Variants in NRG3 observed in about 807,000 individuals in gnomAD.
NRG3 encodes neuregulin 3.
Under a neutral mutation model 66.9 loss-of-function variants are expected in NRG3, and 31 were observed. The ratio of observed to expected loss-of-function variants is 0.46; its 90% CI spans 0.35 to 0.63. NRG3 has a LOEUF of 0.63. NRG3 is among the 20% of genes least tolerant of loss of function. NRG3 has a pLI of 0.00. For synonymous variants in NRG3, 393 were observed against 359.4 expected (o/e 1.09, Z -1.06); for missense variants, 910 against 878.9 (o/e 1.04, Z -0.45).
intron 2 of NRG3, among the ~76,000 whole-genome samples, chr10:82,720,143 A>G (rs1368761475): frequency 1.3e-5 from 2 of 152,216 alleles, no homozygotes; most frequent in African/African-American, 4.8e-5. Context: ...TAATCCTAGC[A>G]CTTCGGGAGG....
chr10:82,183,367 A>G (rs1359700276), intron 1 of NRG3, among the ~76,000 whole-genome samples: 1 of 151,834 alleles, frequency 6.6e-6, no homozygotes, highest in Admixed American at 6.6e-5. Context: ...CTGACTGTAT[A>G]ATTTCAAATG....
At chr10:82,738,937 C>T (rs2058288398) in intron 3 of NRG3, among the ~76,000 whole-genome samples, 1 of 152,182 alleles carries the variant, frequency 6.6e-6, no homozygotes, top group Non-Finnish European at 1.5e-5. Context: ...CACGTACCAC[C>T]TCATTTCAAA....
At chr10:82,329,557 C>T (rs1396135792) in intron 1 of NRG3, among the ~76,000 whole-genome samples, 1 of 151,104 alleles carries the variant, frequency 6.6e-6, no homozygotes, top group Non-Finnish European at 1.5e-5. Flanking sequence ...TTATAGAGCA[C>T]ACAACATGTA....
rs181855084 is a variant in NRG3, at chr10:82,089,700, A to T, written c.823+213537A>T. On this transcript the variant is annotated intron_variant, in intron 1 of 8. Coordinates refer to ENST00000372141, the MANE Select transcript of NRG3 (RefSeq NM_001010848.4). The stretch of plus-strand genomic sequence containing the variant: ...TTAGTATCTAATTCTCTTTGAGATG[A>T]TCAAGCTGCAAACTGATTCCATACC... Among the ~76,000 whole-genome samples, 185 of 152,324 alleles carry T rather than the reference A, an allele frequency of 1.2e-3. 1 individual carries two copies. The highest frequency in any genetic ancestry group is 4.3e-3 in the African/African-American group (180 of 41,564).
chr10:82,973,983 A>G, intron 7 of NRG3, 68 bp downstream of exon 7: 1 of 1,567,618 alleles, frequency 6.4e-7, no homozygotes, highest in Non-Finnish European at 8.8e-7. Context: ...GGCACATGCC[A>G]AGGACTGGCA....
At chr10:82,642,612 A>G (rs2050662182) in intron 2 of NRG3, among the ~76,000 whole-genome samples, 1 of 137,374 alleles carries the variant, frequency 7.3e-6, no homozygotes, top group Admixed American at 6.9e-5. Context: ...CTACAAGGAG[A>G]AAAAAAAAAC....
chr10:82,682,146 A>G (rs988954121), intron 2 of NRG3, among the ~76,000 whole-genome samples: 1 of 152,216 alleles, frequency 6.6e-6, no homozygotes, highest in African/African-American at 2.4e-5. Flanking sequence ...GAGGAGGAAA[A>G]CAAAGAGACT....
At chr10:82,204,863 T>C (rs2075040085) in intron 1 of NRG3, among the ~76,000 whole-genome samples, 1 of 152,190 alleles carries the variant, frequency 6.6e-6, no homozygotes, top group Admixed American at 6.5e-5. Flanking sequence ...ACATGCTCTC[T>C]AAGGTTGCTG....
At position 82,985,424 on chromosome 10, in the gene NRG3, A is replaced by G. The variant is rs1318544221; in HGVS notation, c.1910A>G (p.Gln637Arg). ...VKILLETVQEQIRILTDARRS... is the reference protein window; with the variant it reads ...VKILLETVQERIRILTDARRS... Reference sequence around the variant, plus strand: ...ATATTGCTAGAAACTGTCCAGGAGCAGATCCGAATTCTGACTGATGCCAGA... The same window carrying G: ...ATATTGCTAGAAACTGTCCAGGAGCGGATCCGAATTCTGACTGATGCCAGA... Residue 637 changes from glutamine (Q) to arginine (R), a missense_variant, in exon 9 of 9, where the codon CAG becomes CGG. By Grantham distance (43) the Gln-to-Arg change is conservative. Transcript: ENST00000372141. The G allele has an allele frequency of 8.7e-6, 14 of 1,614,050 alleles. No homozygotes were observed. The highest frequency in any genetic ancestry group is 1.2e-5 in the Non-Finnish European group (14 of 1,180,022).
chr10:82,709,826 G>A (rs1196945761), intron 2 of NRG3, among the ~76,000 whole-genome samples: 1 of 152,144 alleles, frequency 6.6e-6, no homozygotes, highest in Non-Finnish European at 1.5e-5. Flanking sequence ...TGGGTCCAGG[G>A]CTTTTAAATC....
chr10:82,342,843 G>A (rs1424973280), intron 1 of NRG3, among the ~76,000 whole-genome samples: 3 of 151,866 alleles, frequency 2.0e-5, no homozygotes, highest in East Asian at 3.9e-4. Context: ...TCTTTGCCTA[G>A]GCCAGTGTTC....
chr10:82,780,463 C>CTTTT (rs1007056127), intron 3 of NRG3, among the ~76,000 whole-genome samples: 1 of 122,194 alleles, frequency 8.2e-6, no homozygotes, highest in Non-Finnish European at 1.7e-5. Context: ...CATTGCGCCT[C>CTTTT]TTTTTTTTTT....
At chr10:82,101,342 C>A (rs1008113912) in intron 1 of NRG3, among the ~76,000 whole-genome samples, 9 of 151,682 alleles carry the variant, frequency 5.9e-5, no homozygotes, top group African/African-American at 2.2e-4. Context: ...ATTATTGACA[C>A]CATTGATATG....
In NRG3 at chr10:81,875,424, T is replaced by TGCGGCGGCGGCA. The variant is rs1400033892; in HGVS notation, c.92_103dup (p.Ala31_Ala34dup). ...CGGCCGAGGAGGGCACCGCGGCGGCTGCGGCGGCGGCAGCGGCGGGCGGGG... is the reference window on the plus strand; with the variant it reads ...CGGCCGAGGAGGGCACCGCGGCGGCTGCGGCGGCGGCAGCGGCGGCGGCAGCGGCGGGCGGGG... On this transcript the variant is annotated inframe_insertion, in exon 1 of 9. Transcript: ENST00000372141. This position sits in a 1 kb window ranked among gnomAD's most constrained non-coding sequence, Gnocchi z 5.3. The TGCGGCGGCGGCA allele has an allele frequency of 9.2e-7, 1 of 1,091,042 alleles. No individual in the cohort carries two copies. Among genetic ancestry groups the TGCGGCGGCGGCA allele is most frequent in the African/African-American group, 1.7e-5 (1 of 58,706 alleles). The allele number at this position is 1,091,042 out of a possible 1,614,324, so 67.6% of individuals were successfully genotyped here.
At chr10:82,755,896 T>A (rs1468023692) in intron 3 of NRG3, among the ~76,000 whole-genome samples, 2 of 152,186 alleles carry the variant, frequency 1.3e-5, no homozygotes, top group Admixed American at 6.6e-5. Context: ...TTGTTCCTTG[T>A]AAACCATGTT....
intron 4 of NRG3, among the ~76,000 whole-genome samples, chr10:82,873,948 A>C (rs1032514134): frequency 7.2e-5 from 11 of 152,086 alleles, no homozygotes; most frequent in South Asian, 2.1e-4. Flanking sequence ...TAGAAAAATA[A>C]GATTCTTAAT....
intron 2 of NRG3, among the ~76,000 whole-genome samples, chr10:82,472,924 C>A (rs1841412799): frequency 6.6e-6 from 1 of 152,190 alleles, no homozygotes; most frequent in Non-Finnish European, 1.5e-5. Context: ...GGTAAATACC[C>A]ACTCTTCACT....
chr10:82,672,809 G>A (rs1297543435), intron 2 of NRG3, among the ~76,000 whole-genome samples: 1 of 152,138 alleles, frequency 6.6e-6, no homozygotes, highest in Admixed American at 6.5e-5. Context: ...GAGTGCAGTG[G>A]CACGATCTCG....
chr10:82,192,892 A>C lies in NRG3; in HGVS notation c.824-165847A>C, dbSNP rs528837124. ...TTTTGATTTGATGGTCAGGGAGAACAACTTTCCAAGACATGATATTCAGCT... is the reference window on the plus strand; with the variant it reads ...TTTTGATTTGATGGTCAGGGAGAACCACTTTCCAAGACATGATATTCAGCT... On this transcript the variant is annotated intron_variant, in intron 1 of 8. Coordinates refer to ENST00000372141, the MANE Select transcript of NRG3 (RefSeq NM_001010848.4). Among the ~76,000 whole-genome samples, 4 of 152,166 alleles carry C rather than the reference A, an allele frequency of 2.6e-5. No individual in the cohort carries two copies. In the East Asian group the frequency reaches 7.8e-4, roughly 30 times the overall value.
Sources: allele counts gnomAD v4.1 joint callset (sites outside exome capture counted in the v4.1 genomes callset), GRCh38; gene constraint gnomAD v4.1.1; non-coding constraint Gnocchi (gnomAD v3.1); transcripts MANE v1.5; gene names NCBI Gene and HGNC (gene_info 2026-07-23, HGNC 2026-07-21).